Variants in TYMP observed in about 807,000 individuals in gnomAD.
TYMP encodes thymidine phosphorylase.
In TYMP, 46 loss-of-function variants were observed where a neutral mutation model predicts 42.3. That is an observed-to-expected ratio of 1.09 (90% CI 0.86 to 1.39). The LOEUF (loss-of-function observed/expected upper bound fraction) is 1.39, where lower values mean the gene tolerates loss of function less well. Ranked by LOEUF, TYMP falls within the 40% of genes most tolerant of loss-of-function variation. The pLI is 0.00. For synonymous variants in TYMP, 363 were observed against 308.0 expected, an observed-to-expected ratio of 1.18 and a Z score of -1.87; for missense variants, 837 against 677.6, an observed-to-expected ratio of 1.24 and a Z score of -2.61.
In TYMP at chr22:50,526,289, C is replaced by A; in HGVS notation, c.1116G>T (p.Leu372=). The A allele has an allele frequency of 6.4e-7, 1 of 1,551,838 alleles. No homozygotes were observed. The highest frequency in any genetic ancestry group is 8.6e-7 in the Non-Finnish European group (1 of 1,159,342). The part of the protein sequence containing the change: ...SGSPAERRQL[L]PRAREQEELL... ...GCTCCTCCTGCTCCCGGGCGCGAGG[C>A]AGCAGCTGCCGGCGTTCTGCGGGAC... The change falls in exon 8 of 10, where the codon CTG becomes CTT. Residue 372 remains leucine, a synonymous_variant. Transcript: ENST00000252029.
intron 4 of TYMP, 74 bp from the exon 5 acceptor site, chr22:50,527,791 T>TTC: frequency 7.4e-7 from 1 of 1,344,112 alleles, no homozygotes; most frequent in Non-Finnish European, 1.0e-6. Context: ...TTTTTTTTTT[T>TTC]CTGTGAAGAG....
chr22:50,526,170 G>GCTCGGGAAGGGGCGGGGC, intron 8 of TYMP, 29 bp from the exon 9 acceptor site: 1 of 1,468,420 alleles, frequency 6.8e-7, no homozygotes, highest in Admixed American at 2.3e-5. Context: ...AGAGGCGCGG[G>GCTCGGGAAGGGGCGGGGC]CTCGGGAAGG....
chr22:50,526,944 C>A (rs2069411380), intron 6 of TYMP, among the ~76,000 whole-genome samples: 1 of 152,226 alleles, frequency 6.6e-6, no homozygotes, highest in African/African-American at 2.4e-5. Flanking sequence ...GGGGCAGGAA[C>A]GCCACAGAGG....
intron 4 of TYMP, chr22:50,528,100 C>T (rs1180703588): frequency 7.7e-6 from 3 of 390,124 alleles, no homozygotes; most frequent in Non-Finnish European, 1.5e-5. Flanking sequence ...CAGCCTAGAC[C>T]TCCCAGGCTC....
In TYMP at chr22:50,527,606, T is replaced by C; in HGVS notation, c.628A>G (p.Ser210Gly). ...AGGTCACCTGTGATGAGTGGCAGGC[T>C]GTCCACGGTGGCTGTCACATCTCTG... Reference protein sequence around the residue: ...AARDVTATVDSLPLITASILS... With the variant: ...AARDVTATVDGLPLITASILS... The change falls in exon 5 of 10, where the codon AGC (serine) becomes GGC (glycine). Residue 210 changes from serine (S) to glycine (G), a missense_variant. Transcript: ENST00000252029. The C allele has an allele frequency of 6.2e-7, 1 of 1,613,988 alleles. No homozygotes were observed. The highest frequency in any genetic ancestry group is 8.5e-7 in the Non-Finnish European group (1 of 1,180,012).
intron 5 of TYMP, 105 bp downstream of exon 5, chr22:50,527,483 G>A: frequency 1.3e-6 from 2 of 1,564,876 alleles, no homozygotes; most frequent in South Asian, 1.1e-5. Flanking sequence ...GGGGTAGGGG[G>A]GCACACGGTC....
chr22:50,527,730 CCCCTG>C lies in TYMP; in HGVS notation c.517-18_517-14del. The C allele has an allele frequency of 6.2e-7, 1 of 1,611,644 alleles. No individual in the cohort carries two copies. The highest frequency in any genetic ancestry group is 8.5e-7 in the Non-Finnish European group (1 of 1,178,700). ...GCAGCACTTGCATCTGGTCAGACAT[CCCCTG>C]TTCTCAGTGACTTATGGTAAATGAC... On this transcript the variant is annotated splice_polypyrimidine_tract_variant and intron_variant, in intron 4 of 9. Transcript: ENST00000252029.
At position 50,529,596 on chromosome 22, in the gene TYMP, C is replaced by T; in HGVS notation, c.114G>A (p.Glu38=). 6.2e-7 allele frequency: 1 copy of T among 1,613,142 alleles called. No individual in the cohort carries two copies. Residue 38 remains glutamate, a synonymous_variant, in exon 2 of 10, where the codon GAG becomes GAA. Coordinates refer to ENST00000252029, the MANE Select transcript of TYMP (RefSeq NM_001953.5). ...CTCCGTCTCGCTTCATGCGGATCAG[C>T]TCCGGGAGCTGCTTGGGCTCTGGCG... The part of the protein sequence containing the change: ...DPSPEPKQLP[E]LIRMKRDGGR...
In TYMP at chr22:50,525,833, G is replaced by T. The variant is rs1260447331; in HGVS notation, c.1386C>A (p.Ser462=). 6 of 1,609,274 alleles carry T rather than the reference G, an allele frequency of 3.7e-6. No homozygotes were observed. In the Middle Eastern group the frequency reaches 5.1e-4, roughly 136 times the overall value. The change falls in exon 10 of 10, where the codon TCC becomes TCA. Residue 462 remains serine, a synonymous_variant. Coordinates refer to ENST00000252029, the MANE Select transcript of TYMP (RefSeq NM_001953.5). ...SRALQEALVL[S]DRAPFAAPSP... ...AGGGGGCGGCGAATGGCGCGCGGTC[G>T]GAGAGTACGAGCGCCTCCTGCAGGG... is the stretch of plus-strand genomic sequence containing the variant.
In TYMP at chr22:50,529,936, C is replaced by A. The variant is rs939884415; in HGVS notation, c.-43G>T. The A allele has an allele frequency of 1.0e-5, 6 of 591,400 alleles. No homozygotes were observed. The highest frequency in any genetic ancestry group is 3.0e-5 in the Admixed American group (1 of 33,302). The allele number at this position is 591,400 out of a possible 1,614,324, so 36.6% of individuals were successfully genotyped here. On this transcript the variant is annotated 5_prime_UTR_variant, in exon 1 of 10. Transcript: ENST00000252029. ...GGGCGCTGCCCTCGCCCGCTTGCTC[C>A]GGATCCCAGCCCAGGTACCCGGCCT...
rs1243213428 is a variant in TYMP at position 50,525,909 on chromosome 22, C to T, written c.1310G>A (p.Trp437Ter). 1 of 1,541,068 alleles carries T rather than the reference C, an allele frequency of 6.5e-7. No homozygotes were observed. Residue 437 changes from tryptophan to a stop codon, truncating the protein, a stop_gained, in exon 10 of 10, where the codon TGG (tryptophan) becomes TAG (stop). Coordinates refer to ENST00000252029, the MANE Select transcript of TYMP (RefSeq NM_001953.5). LOFTEE classifies it low-confidence loss of function (END_TRUNC). ...GGGGCCGTCCCGGTGCACGCGGAGCCAGGGGGTCCCTGCAGAGCGAGGGGC... is the reference window on the plus strand; with the variant it reads ...GGGGCCGTCCCGGTGCACGCGGAGCTAGGGGGTCCCTGCAGAGCGAGGGGC... ...VGQRLRRGTP[W>*]LRVHRDGPAL...
chr22:50,526,490 C>T lies in TYMP; in HGVS notation c.929-14G>A, dbSNP rs766071720. The T allele has an allele frequency of 2.1e-5, 32 of 1,500,568 alleles. No individual in the cohort carries two copies. The highest frequency in any genetic ancestry group is 4.4e-4 in the Middle Eastern group (2 of 4,504). 93.0% of individuals were successfully genotyped at this position (1,500,568 alleles called of 1,614,324 possible). On this transcript the variant is annotated splice_polypyrimidine_tract_variant and intron_variant, in intron 7 of 9. Coordinates refer to ENST00000252029, the MANE Select transcript of TYMP (RefSeq NM_001953.5). ...GCAGGGCGCCCCCTGCGGGCGGGGACGGGTCTTAGGCGCGGCCGGGTCGGG... is the reference window on the plus strand; with the variant it reads ...GCAGGGCGCCCCCTGCGGGCGGGGATGGGTCTTAGGCGCGGCCGGGTCGGG...
At chr22:50,529,779 C>T (rs899803306) in intron 1 of TYMP, 60 bp from the exon 2 acceptor site, 6 of 1,447,476 alleles carry the variant, frequency 4.1e-6, no homozygotes, top group Admixed American at 2.0e-5. Context: ...GTCTGAGCCA[C>T]GTGCTCCTGT....
intron 8 of TYMP, 28 bp from the exon 9 acceptor site, chr22:50,526,169 G>A (rs921974843): frequency 1.2e-5 from 18 of 1,470,104 alleles, no homozygotes; most frequent in African/African-American, 2.9e-5. Context: ...GAGAGGCGCG[G>A]GCTCGGGAAG....
At chr22:50,525,971 CG>C (rs1189368437) in intron 9 of TYMP, 29 bp downstream of exon 9, 2 of 1,378,082 alleles carry the variant, frequency 1.5e-6, no homozygotes, top group South Asian at 1.6e-5. Context: ...GGCGGGGGTG[CG>C]GGGCCAGCAG....
chr22:50,529,481 A>T lies in TYMP; in HGVS notation c.214+15T>A. On this transcript the variant is annotated intron_variant, in intron 2 of 9. Coordinates refer to ENST00000252029, the MANE Select transcript of TYMP (RefSeq NM_001953.5). The stretch of plus-strand genomic sequence containing the variant: ...TCCCAGTCGGGGTCAGGAACGCCCA[A>T]CCCTCCCCACGCACCGATCTGTGCG... 1.2e-6 allele frequency: 2 copies of T among 1,611,816 alleles called. No homozygotes were observed. The highest frequency in any genetic ancestry group is 1.7e-6 in the Non-Finnish European group (2 of 1,179,708).
rs1234563735 is a variant in TYMP, at chr22:50,525,842, G to A, written c.1377C>T (p.Leu459=). The change falls in exon 10 of 10, where the codon CTC becomes CTT. Residue 459 remains leucine (L), a synonymous_variant. Coordinates refer to ENST00000252029, the MANE Select transcript of TYMP (RefSeq NM_001953.5). ...GPQSRALQEA[L]VLSDRAPFAA... is the part of the protein sequence containing the mutation. ...CGAATGGCGCGCGGTCGGAGAGTAC[G>A]AGCGCCTCCTGCAGGGCGCGGCTCT... 10 of 1,607,670 alleles carry A rather than the reference G, an allele frequency of 6.2e-6. 1 individual carries two copies. In the African/African-American group the frequency reaches 1.1e-4, roughly 17 times the overall value.
rs775857544 is a variant in TYMP at position 50,529,303 on chromosome 22, C to T, written c.250G>A (p.Asp84Asn). Residue 84 changes from aspartate to asparagine, a missense_variant, in exon 3 of 10, where the codon GAT (aspartate) becomes AAT (asparagine). Transcript: ENST00000252029. ...GTCAGCACCGAGGTCTCCTCCAGATCCATGCCCCGAAGTCGGATGGCCATC... is the reference window on the plus strand; with the variant it reads ...GTCAGCACCGAGGTCTCCTCCAGATTCATGCCCCGAAGTCGGATGGCCATC... ...MLMAIRLRGMDLEETSVLTQA... is the reference protein window; with the variant it reads ...MLMAIRLRGMNLEETSVLTQA... 5.6e-6 allele frequency: 9 copies of T among 1,613,438 alleles called. No homozygotes were observed. Among genetic ancestry groups the T allele is most frequent in the Non-Finnish European group, 5.9e-6 (7 of 1,180,012 alleles).
Position 50,529,866 on chromosome 22 carries a change from C to A in TYMP, c.-11+38G>T, listed in dbSNP as rs146520958. ...GTGTCGCCCTCGTCCGTGTCTGCCT[C>A]CCGCTTCCCCGCCTCGCGACTTGAG... On this transcript the variant is annotated intron_variant, in intron 1 of 9. Transcript: ENST00000252029. 5.0e-4 allele frequency: 350 copies of A among 701,722 alleles called. 5 individuals carry two copies. The African/African-American group carries it at 5.5e-3, about 11-fold the overall frequency. The allele number at this position is 701,722 out of a possible 1,614,324, so 43.5% of individuals were successfully genotyped here.
Sources: allele counts gnomAD v4.1 joint callset (sites outside exome capture counted in the v4.1 genomes callset), GRCh38; gene constraint gnomAD v4.1.1; transcripts MANE v1.5; gene names NCBI Gene and HGNC (gene_info 2026-07-23, HGNC 2026-07-21).